TRIM62: variants seen among roughly 807,000 people sequenced by gnomAD.
The protein encoded by TRIM62 is E3 ubiquitin-protein ligase TRIM62.
A neutral mutation model predicts 44.2 loss-of-function variants in TRIM62; 39 were observed. The ratio of observed to expected loss-of-function variants is 0.88; its 90% confidence interval spans 0.68 to 1.15. The LOEUF (loss-of-function observed/expected upper bound fraction) is 1.15, where lower values mean the gene tolerates loss of function less well. Among genes scored for constraint, TRIM62 ranks in the 50% most tolerant of loss-of-function variants. The pLI is 0.00. For synonymous variants in TRIM62, 278 were observed against 292.3 expected, an observed-to-expected ratio of 0.95 and a Z score of 0.50; for missense variants, 544 against 665.5, an observed-to-expected ratio of 0.82 and a Z score of 2.01.
intron 1 of TRIM62, among the ~76,000 whole-genome samples, 156 bp downstream of exon 1, chr1:33,180,869 C>T (rs1409515539): frequency 6.7e-6 from 1 of 149,330 alleles, no homozygotes; most frequent in Non-Finnish European, 1.5e-5. Context: ...CTCCCTGCCC[C>T]GCGTTACTCC....
chr1:33,148,974 G>GC (rs1311880745), intron 4 of TRIM62, among the ~76,000 whole-genome samples: 1 of 152,066 alleles, frequency 6.6e-6, no homozygotes, highest in Non-Finnish European at 1.5e-5. Flanking sequence ...TCTCACTTCT[G>GC]CCCCCTACCC....
Position 33,161,542 on chromosome 1 carries a change from G to A in TRIM62, c.505-1598C>T, listed in dbSNP as rs1645267314. 6.6e-6 allele frequency among the ~76,000 whole-genome samples: 1 copy of A among 152,154 alleles called. No homozygotes were observed. Among genetic ancestry groups the A allele is most frequent in the African/African-American group, 2.4e-5 (1 of 41,426 alleles). ...TGGCCTGCAGGAAGAACTGCTGGCG[G>A]TGGGCCAGCCTCGCTGCGCATGCCC... On this transcript the variant is annotated intron_variant, in intron 2 of 4. Coordinates refer to ENST00000291416, the MANE Select transcript of TRIM62 (RefSeq NM_018207.3). The surrounding 1 kb of genome is among the most constrained non-coding windows in gnomAD (Gnocchi z 4.3).
chr1:33,157,550 T>C (rs1394349328), intron 4 of TRIM62, among the ~76,000 whole-genome samples: 1 of 152,120 alleles, frequency 6.6e-6, no homozygotes, highest in African/African-American at 2.4e-5. Context: ...TTTGTCTACT[T>C]TCTATCTCAC....
chr1:33,152,573 G>GAA (rs34380913), intron 4 of TRIM62, among the ~76,000 whole-genome samples: 8 of 102,836 alleles, frequency 7.8e-5, no homozygotes, highest in South Asian at 2.9e-4. Context: ...GTCTCAAAAA[G>GAA]AAAAAAAAAA....
rs910780421 is a variant in TRIM62 at position 33,179,868 on chromosome 1, C to A, written c.408+1157G>T. On this transcript the variant is annotated intron_variant, in intron 1 of 4. Transcript: ENST00000291416. ...AATAGATTTATTTGCAACAAAATTT[C>A]TCTAAGCTTTTAATATGCAAATGCA... Among the ~76,000 whole-genome samples, 7 of 152,254 alleles carry A rather than the reference C, an allele frequency of 4.6e-5. No homozygotes were observed. The East Asian group carries it at 1.2e-3, about 25-fold the overall frequency.
Position 33,168,009 on chromosome 1 carries a change from A to T in TRIM62, c.409-2443T>A, listed in dbSNP as rs1383573729. On this transcript the variant is annotated intron_variant, in intron 1 of 4. Transcript: ENST00000291416. ...GGGGAAGACAGACAACAAACAAGGA[A>T]AATAATAAAGGAGCGAGGTTACCAA... is the stretch of plus-strand genomic sequence containing the variant. 2.0e-5 allele frequency among the ~76,000 whole-genome samples: 3 copies of T among 152,202 alleles called. 1 individual carries two copies. The highest frequency in any genetic ancestry group is 4.4e-5 in the Non-Finnish European group (3 of 68,046).
intron 4 of TRIM62, among the ~76,000 whole-genome samples, chr1:33,150,015 C>G (rs544212216): frequency 4.2e-4 from 64 of 152,310 alleles, no homozygotes; most frequent in Non-Finnish European, 6.3e-4. Context: ...CTGGCCACAC[C>G]GGCTTAGCAG....
In TRIM62 at chr1:33,147,846, T is replaced by A. The variant is rs773708213; in HGVS notation, c.878-119A>T. On this transcript the variant is annotated intron_variant, in intron 4 of 4. Coordinates refer to ENST00000291416, the MANE Select transcript of TRIM62 (RefSeq NM_018207.3). This position sits in a 1 kb window ranked among gnomAD's most constrained non-coding sequence, Gnocchi z 8.1. Reference sequence around the variant, plus strand: ...CGCAGGAGGCCTCTGACCTGCTGTGTGACCTTGAATACAAGTCTGCCCTCT... The same window carrying A: ...CGCAGGAGGCCTCTGACCTGCTGTGAGACCTTGAATACAAGTCTGCCCTCT... The A allele has an allele frequency of 9.8e-6, 11 of 1,123,534 alleles. No individual in the cohort carries two copies. The highest frequency in any genetic ancestry group is 1.4e-5 in the Non-Finnish European group (11 of 798,808). 69.6% of individuals were successfully genotyped at this position (1,123,534 alleles called of 1,614,324 possible).
rs538696783 is a variant in TRIM62, at chr1:33,167,607, C to T, written c.409-2041G>A. 5.3e-5 allele frequency among the ~76,000 whole-genome samples: 8 copies of T among 152,272 alleles called. No homozygotes were observed. Among genetic ancestry groups the T allele is most frequent in the East Asian group, 1.9e-4 (1 of 5,178 alleles). ...CTGGCACTGAGATGGGACTCAATGACGCTTGCTGCGTGAATGAAGTTCCTG... is the reference window on the plus strand; with the variant it reads ...CTGGCACTGAGATGGGACTCAATGATGCTTGCTGCGTGAATGAAGTTCCTG... On this transcript the variant is annotated intron_variant, in intron 1 of 4. Transcript: ENST00000291416. This position sits in a 1 kb window ranked among gnomAD's most constrained non-coding sequence, Gnocchi z 4.2.
At chr1:33,154,965 T>C (rs75976605) in intron 4 of TRIM62, among the ~76,000 whole-genome samples, 34,894 of 150,024 alleles carry the variant, frequency 0.23, 4,063 homozygotes, top group South Asian at 0.3. Context: ...TCTTGGCAGG[T>C]GCCTGCAGTC....
intron 4 of TRIM62, among the ~76,000 whole-genome samples, chr1:33,152,568 A>C (rs1267092919): frequency 1.4e-5 from 2 of 141,680 alleles, no homozygotes; most frequent in African/African-American, 5.0e-5. Flanking sequence ...ACTCCGTCTC[A>C]AAAAGAAAAA....
intron 4 of TRIM62, among the ~76,000 whole-genome samples, chr1:33,156,416 TG>T (rs1329181282): frequency 1.3e-5 from 2 of 152,214 alleles, no homozygotes; most frequent in African/African-American, 2.4e-5. Context: ...TAGTCTCTTC[TG>T]GGTTCTCCCA....
intron 4 of TRIM62, among the ~76,000 whole-genome samples, chr1:33,153,038 G>C (rs631646): frequency 0.7 from 99,244 of 141,520 alleles, 35,329 homozygotes; most frequent in Non-Finnish European, 0.75. Flanking sequence ...GGGTGGGATA[G>C]AGGGGTGGGA....
At chr1:33,170,229 C>A (rs949102399) in intron 1 of TRIM62, among the ~76,000 whole-genome samples, 4 of 151,910 alleles carry the variant, frequency 2.6e-5, no homozygotes, top group South Asian at 2.1e-4. Context: ...ACTTGGGAGG[C>A]TGAGGAGCAA....
chr1:33,150,933 T>C (rs10914661), intron 4 of TRIM62, among the ~76,000 whole-genome samples: 4 of 152,084 alleles, frequency 2.6e-5, no homozygotes, highest in African/African-American at 9.7e-5. Flanking sequence ...TGGGGGAACC[T>C]AGGCATGATA....
At chr1:33,178,043 T>C (rs1013506319) in intron 1 of TRIM62, among the ~76,000 whole-genome samples, 1 of 152,172 alleles carries the variant, frequency 6.6e-6, no homozygotes, top group Non-Finnish European at 1.5e-5. Flanking sequence ...CAAGGATTTA[T>C]AATAAATGTA....
chr1:33,165,595 G>T lies in TRIM62; in HGVS notation c.409-29C>A, dbSNP rs1464131545. ...AAACACACACAGGGCCGGGATGGGG[G>T]CAGGGGCCATGCCTGGCCCAGGCAT... On this transcript the variant is annotated intron_variant, in intron 1 of 4. Transcript: ENST00000291416. The surrounding 1 kb of genome is among the most constrained non-coding windows in gnomAD (Gnocchi z 4.0). 6.4e-7 allele frequency: 1 copy of T among 1,572,942 alleles called. No individual in the cohort carries two copies. The highest frequency in any genetic ancestry group is 8.7e-7 in the Non-Finnish European group (1 of 1,154,654).
Position 33,159,640 on chromosome 1 carries a change from C to G in TRIM62, c.761+48G>C, listed in dbSNP as rs4045807. ...TCCACTCCCACTGCCCAGCATGGGT[C>G]GAGGAGGGGATGGTCAGCCGGGGAG... On this transcript the variant is annotated intron_variant, in intron 3 of 4. Transcript: ENST00000291416. The surrounding 1 kb of genome is among the most constrained non-coding windows in gnomAD (Gnocchi z 4.2). The G allele has an allele frequency of 6.4e-7, 1 of 1,572,564 alleles. No individual in the cohort carries two copies. Among genetic ancestry groups the G allele is most frequent in the African/African-American group, 1.3e-5 (1 of 74,556 alleles).
chr1:33,149,299 C>T (rs567536378), intron 4 of TRIM62, among the ~76,000 whole-genome samples: 68 of 152,104 alleles, frequency 4.5e-4, no homozygotes, highest in African/African-American at 1.1e-3. Flanking sequence ...ATTATAGGCA[C>T]GCGCCACCAC....
Sources: allele counts gnomAD v4.1 joint callset (sites outside exome capture counted in the v4.1 genomes callset), GRCh38; gene constraint gnomAD v4.1.1; non-coding constraint Gnocchi (gnomAD v3.1); transcripts MANE v1.5; gene names NCBI Gene and HGNC (gene_info 2026-07-23, HGNC 2026-07-21).